Variants in STAMBP observed in about 807,000 individuals in gnomAD.
The protein encoded by STAMBP is STAM binding protein, also known as STAM-binding protein.
STAMBP carries 31 observed loss-of-function variants against 50.7 expected under a neutral mutation model. That is an observed-to-expected ratio of 0.61 (90% CI 0.46 to 0.83). The LOEUF is 0.83. Ranked by LOEUF, STAMBP falls within the 40% of genes least tolerant of loss-of-function variation. The pLI, the probability that STAMBP is intolerant of heterozygous loss-of-function variation, is 0.00. For missense variants in STAMBP, 472 were observed against 518.9 expected (o/e 0.91, Z 0.88); for synonymous variants, 211 against 192.4 (o/e 1.10, Z -0.80).
At chr2:73,871,765 C>G (rs558989604), downstream of STAMBP, among the ~76,000 whole-genome samples, 6 of 152,028 alleles carry the variant, frequency 3.9e-5, no homozygotes, top group Admixed American at 3.9e-4. Context: ...GTAAACTCAG[C>G]AAGAAAAAAA....
rs138065571 is a variant in STAMBP at position 73,853,591 on chromosome 2, G to A, written c.1005+3078G>A. On this transcript the variant is annotated intron_variant, in intron 7 of 9. Transcript: ENST00000394070. ...ACAAAAATTAGCTGGACATGGTGGC[G>A]CATGCCTGTAGTCCCAGCTACTCGA... 2.6e-3 allele frequency among the ~76,000 whole-genome samples: 399 copies of A among 152,270 alleles called. 4 individuals are homozygous for A. The highest frequency in any genetic ancestry group is 9.0e-3 in the African/African-American group (376 of 41,554).
rs938889136 is a variant in STAMBP, at chr2:73,866,789, G to A, written c.*4530G>A. 6.6e-6 allele frequency: 1 copy of A among 152,314 alleles called. No individual in the cohort carries two copies. Among genetic ancestry groups the A allele is most frequent in the African/African-American group, 2.4e-5 (1 of 41,460 alleles). 9.4% of individuals were successfully genotyped at this position (152,314 alleles called of 1,614,324 possible). On this transcript the variant is annotated 3_prime_UTR_variant, in exon 10 of 10. Coordinates refer to ENST00000394070, the MANE Select transcript of STAMBP (RefSeq NM_213622.4). ...GGAAGTAGGAGGAGACAAGGAGATA[G>A]TGACACCAGTATCTTGTCACAGAAA...
At position 73,850,426 on chromosome 2, in the gene STAMBP, T is replaced by A; in HGVS notation, c.918T>A (p.Ala306=). The A allele has an allele frequency of 6.2e-7, 1 of 1,613,916 alleles. No individual in the cohort carries two copies. The highest frequency in any genetic ancestry group is 8.5e-7 in the Non-Finnish European group (1 of 1,179,944). ...ITHVLIPKQS[A]GSDYCNTENE... is the part of the protein sequence containing the mutation. ...ATGTTCTCATCCCCAAGCAAAGTGC[T>A]GGGTCTGATTACTGCAACACAGAGA... The change falls in exon 7 of 10, where the codon GCT becomes GCA. Residue 306 remains alanine (A), a synonymous_variant. Transcript: ENST00000394070. This position sits in a 1 kb window ranked among gnomAD's most constrained non-coding sequence, Gnocchi z 4.3.
chr2:73,858,686 T>A (rs1353574973), intron 7 of STAMBP, among the ~76,000 whole-genome samples: 1 of 152,202 alleles, frequency 6.6e-6, no homozygotes, highest in Non-Finnish European at 1.5e-5. Flanking sequence ...GGAAAGAAAT[T>A]ATGAGTCTCT....
In STAMBP at chr2:73,859,273, C is replaced by T. The variant is rs1467258991; in HGVS notation, c.1025C>T (p.Ala342Val). The T allele has an allele frequency of 6.8e-6, 11 of 1,613,570 alleles. No homozygotes were observed. The highest frequency in any genetic ancestry group is 6.7e-5 in the Admixed American group (4 of 59,964). Residue 342 changes from alanine (A) to valine (V), a missense_variant, in exon 8 of 10, where the codon GCG (alanine) becomes GTG (valine). Coordinates refer to ENST00000394070, the MANE Select transcript of STAMBP (RefSeq NM_213622.4). ...GWIHTHPTQT[A>V]FLSSVDLHTH... ...CCTCAGACTCACCCCACACAGACCG[C>T]GTTTCTCTCCAGTGTCGACCTACAC...
chr2:73,829,764 G>A (rs1052553083), intron 1 of STAMBP, among the ~76,000 whole-genome samples: 9 of 152,182 alleles, frequency 5.9e-5, no homozygotes, highest in Non-Finnish European at 1.2e-4. Flanking sequence ...AGATGGAATT[G>A]GCTGAGAGAA....
In STAMBP at chr2:73,862,556, C is replaced by T. The variant is rs969615490; in HGVS notation, c.*297C>T. On this transcript the variant is annotated 3_prime_UTR_variant, in exon 10 of 10. Coordinates refer to ENST00000394070, the MANE Select transcript of STAMBP (RefSeq NM_213622.4). ...GAATGGTATAATGAACCCCCATATA[C>T]CCTTCCTTCTGGATTCACCAATTGT... is the stretch of plus-strand genomic sequence containing the variant. The T allele has an allele frequency of 2.0e-5, 4 of 204,806 alleles. No homozygotes were observed. Among genetic ancestry groups the T allele is most frequent in the Non-Finnish European group, 3.9e-5 (4 of 102,208 alleles). The allele number at this position is 204,806 out of a possible 1,614,324, so 12.7% of individuals were successfully genotyped here.
chr2:73,849,043 A>G (rs904744163), intron 5 of STAMBP, among the ~76,000 whole-genome samples: 2 of 152,194 alleles, frequency 1.3e-5, no homozygotes, highest in Non-Finnish European at 2.9e-5. Flanking sequence ...TTGAGTTACA[A>G]ACAATCCAAT....
At chr2:73,829,901 A>G (rs1257991212) in intron 1 of STAMBP, among the ~76,000 whole-genome samples, 1 of 152,250 alleles carries the variant, frequency 6.6e-6, no homozygotes, top group Non-Finnish European at 1.5e-5. Flanking sequence ...GGGGAGGGCC[A>G]GTTGCCACAG....
intron 9 of STAMBP, chr2:73,860,487 G>T: frequency 1.1e-6 from 1 of 881,904 alleles, no homozygotes; most frequent in Middle Eastern, 5.6e-4. Flanking sequence ...TGCAGTTGCT[G>T]GCTTATTAAA....
intron 2 of STAMBP, among the ~76,000 whole-genome samples, chr2:73,835,303 A>G (rs111801236): frequency 0.083 from 12,612 of 151,272 alleles, 744 homozygotes; most frequent in African/African-American, 0.17. Context: ...TCAGTGAGCC[A>G]AGATCGCGGC....
intron 4 of STAMBP, among the ~76,000 whole-genome samples, chr2:73,847,098 A>C (rs1011481249): frequency 1.3e-5 from 2 of 151,604 alleles, no homozygotes; most frequent in African/African-American, 2.4e-5. Flanking sequence ...AAAAAAAAAA[A>C]GATTTCAGTG....
downstream of STAMBP, among the ~76,000 whole-genome samples, chr2:73,868,320 G>A (rs895577561): frequency 2.6e-5 from 4 of 152,030 alleles, no homozygotes. Context: ...CATGTATTAT[G>A]CATCCTCATG....
downstream of STAMBP, among the ~76,000 whole-genome samples, chr2:73,868,876 CAAAAAAAGAA>C (rs1396178682): frequency 1.4e-5 from 2 of 146,496 alleles, no homozygotes; most frequent in Non-Finnish European, 3.0e-5. Context: ...GGCCTTGACT[CAAAAAAAGAA>C]AAAAAAAGAA....
chr2:73,846,339 T>C (rs1676049129), intron 4 of STAMBP, among the ~76,000 whole-genome samples: 1 of 152,110 alleles, frequency 6.6e-6, no homozygotes, highest in Non-Finnish European at 1.5e-5. Context: ...TGGTGGCTCA[T>C]GCCTGTAATC....
intron 7 of STAMBP, among the ~76,000 whole-genome samples, chr2:73,852,633 T>C: frequency 6.6e-6 from 1 of 152,006 alleles, no homozygotes. Flanking sequence ...ATGAAAAAGG[T>C]GAGGGTAGTG....
At chr2:73,862,173 G>A in intron 9 of STAMBP, 30 bp from the exon 10 acceptor site, 5 of 1,583,280 alleles carry the variant, frequency 3.2e-6, no homozygotes, top group Non-Finnish European at 4.3e-6. Flanking sequence ...GAATTTTCTA[G>A]GACTCCACCT....
At chr2:73,839,188 A>G (rs1275352291) in intron 2 of STAMBP, among the ~76,000 whole-genome samples, 4 of 152,168 alleles carry the variant, frequency 2.6e-5, no homozygotes, top group Non-Finnish European at 4.4e-5. Flanking sequence ...CAGGCATCTT[A>G]ATGATCTCAG....
At chr2:73,834,573 CA>C (rs1426994777) in intron 2 of STAMBP, among the ~76,000 whole-genome samples, 1 of 151,878 alleles carries the variant, frequency 6.6e-6, no homozygotes, top group Non-Finnish European at 1.5e-5. Context: ...CTTGCTGTCT[CA>C]GGGGCGGCAG....
Sources: allele counts gnomAD v4.1 joint callset (sites outside exome capture counted in the v4.1 genomes callset), GRCh38; gene constraint gnomAD v4.1.1; non-coding constraint Gnocchi (gnomAD v3.1); transcripts MANE v1.5; gene names NCBI Gene and HGNC (gene_info 2026-07-23, HGNC 2026-07-21).